Variants in DLG2 observed in about 807,000 individuals in gnomAD.
The protein encoded by DLG2 is disks large homolog 2.
DLG2 carries 45 observed loss-of-function variants against 132.5 expected under a neutral mutation model. The observed-to-expected ratio is 0.34, with a 90% CI of 0.27 to 0.44. DLG2 has a LOEUF of 0.44. Among genes scored for constraint, DLG2 ranks in the 20% least tolerant of loss-of-function variants. The pLI is 1.00. For missense variants in DLG2, 1,045 were observed against 1,196.9 expected, an observed-to-expected ratio of 0.87 and a Z score of 1.87; for synonymous variants, 424 against 419.6, an observed-to-expected ratio of 1.01 and a Z score of -0.13.
intron 5 of DLG2, among the ~76,000 whole-genome samples, chr11:85,112,589 G>A (rs757059281): frequency 6.6e-6 from 1 of 151,986 alleles, no homozygotes; most frequent in Non-Finnish European, 1.5e-5. Context: ...AACCACAGCT[G>A]TGATTTACTG....
chr11:84,833,533 C>G (rs2079310037), intron 6 of DLG2, among the ~76,000 whole-genome samples: 1 of 151,386 alleles, frequency 6.6e-6, no homozygotes, highest in African/African-American at 2.4e-5. Flanking sequence ...ACATTGACAT[C>G]ATCAACTCCT....
intron 6 of DLG2, among the ~76,000 whole-genome samples, chr11:84,798,640 C>G (rs1007483721): frequency 3.9e-5 from 6 of 152,170 alleles, no homozygotes; most frequent in Non-Finnish European, 8.8e-5. Flanking sequence ...GACTCAGGAA[C>G]CCCAATAGCC....
chr11:84,019,865 C>G (rs987137528), intron 11 of DLG2, among the ~76,000 whole-genome samples: 15 of 152,152 alleles, frequency 9.9e-5, no homozygotes, highest in African/African-American at 3.6e-4. Context: ...GCTAATATCT[C>G]GATCTCAGAC....
intron 14 of DLG2, among the ~76,000 whole-genome samples, 183 bp from the exon 15 acceptor site, chr11:83,930,666 A>G (rs1040492541): frequency 6.6e-6 from 1 of 152,010 alleles, no homozygotes; most frequent in Non-Finnish European, 1.5e-5. Flanking sequence ...TATTCCTCAG[A>G]CTCTTCTGTG....
At chr11:84,027,475 G>A (rs149372660) in intron 11 of DLG2, among the ~76,000 whole-genome samples, 48 of 151,750 alleles carry the variant, frequency 3.2e-4, no homozygotes, top group African/African-American at 1.0e-3. Flanking sequence ...AAGAAAATTT[G>A]AGACAAATTT....
At position 84,648,405 on chromosome 11, in the gene DLG2, C is replaced by T. The variant is rs551125760; in HGVS notation, c.358-113674G>A. On this transcript the variant is annotated intron_variant, in intron 6 of 27. Transcript: ENST00000376104. Reference sequence around the variant, plus strand: ...TGCTTCCCAGTCTAATACAGAGATGCAAGTAGATAAAATTTGTGCGAGAAA... The same window carrying T: ...TGCTTCCCAGTCTAATACAGAGATGTAAGTAGATAAAATTTGTGCGAGAAA... Among the ~76,000 whole-genome samples the T allele has an allele frequency of 9.9e-5, 15 of 152,262 alleles. No homozygotes were observed. In the East Asian group the frequency reaches 2.9e-3, roughly 29 times the overall value.
chr11:85,342,717 C>T (rs780523062), intron 3 of DLG2, among the ~76,000 whole-genome samples: 3 of 152,106 alleles, frequency 2.0e-5, no homozygotes, highest in African/African-American at 4.8e-5. Context: ...ATACCAGCAT[C>T]GCCACAAACG....
At chr11:83,837,907 G>A (rs2056658214) in intron 16 of DLG2, among the ~76,000 whole-genome samples, 1 of 152,076 alleles carries the variant, frequency 6.6e-6, no homozygotes, top group Admixed American at 6.6e-5. Context: ...GGATTAGAGA[G>A]AAATGGGGAT....
At chr11:84,043,694 CT>C (rs568133330) in intron 11 of DLG2, among the ~76,000 whole-genome samples, 115 of 151,810 alleles carry the variant, frequency 7.6e-4, no homozygotes, top group African/African-American at 2.5e-3. Flanking sequence ...TTTCTCTCTT[CT>C]TTTTTTAATT....
intron 16 of DLG2, among the ~76,000 whole-genome samples, chr11:83,871,568 A>C (rs2063442671): frequency 6.6e-6 from 1 of 152,202 alleles, no homozygotes; most frequent in South Asian, 2.1e-4. Context: ...GAGCAGTATA[A>C]CACTTTAATG....
intron 7 of DLG2, among the ~76,000 whole-genome samples, chr11:84,354,841 G>T (rs1002346851): frequency 2.0e-5 from 3 of 152,142 alleles, no homozygotes; most frequent in African/African-American, 7.2e-5. Flanking sequence ...CCAAAGAGAA[G>T]TATTAAGGGA....
chr11:85,215,789 A>G (rs923461661), intron 4 of DLG2, among the ~76,000 whole-genome samples: 2 of 152,150 alleles, frequency 1.3e-5, no homozygotes, highest in African/African-American at 2.4e-5. Context: ...GAATTACACA[A>G]TGCATGCATT....
chr11:84,585,701 G>A (rs570202477), intron 6 of DLG2, among the ~76,000 whole-genome samples: 3 of 151,838 alleles, frequency 2.0e-5, no homozygotes, highest in Non-Finnish European at 4.4e-5. Context: ...ATCCTTTTTT[G>A]CATATATTTA....
At chr11:85,220,511 T>A (rs1009909629) in intron 4 of DLG2, among the ~76,000 whole-genome samples, 1 of 151,872 alleles carries the variant, frequency 6.6e-6, no homozygotes, top group Non-Finnish European at 1.5e-5. Flanking sequence ...AGTACAGAGA[T>A]CAGGATGTTC....
At chr11:84,286,411 A>G (rs2097910539) in intron 7 of DLG2, among the ~76,000 whole-genome samples, 1 of 152,188 alleles carries the variant, frequency 6.6e-6, no homozygotes, top group Admixed American at 6.5e-5. Flanking sequence ...ACACTTAGCT[A>G]GTCTTGTGGT....
intron 12 of DLG2, among the ~76,000 whole-genome samples, chr11:83,971,098 C>G (rs2091248924): frequency 6.6e-6 from 1 of 152,086 alleles, no homozygotes. Flanking sequence ...TTGCTCTTGT[C>G]ATTGTTTGTC....
intron 3 of DLG2, among the ~76,000 whole-genome samples, chr11:85,375,334 T>G (rs1437155081): frequency 6.6e-6 from 1 of 152,130 alleles, no homozygotes; most frequent in Non-Finnish European, 1.5e-5. Flanking sequence ...AGTTAAGAAG[T>G]GATGTGATGA....
At chr11:84,182,185 A>C (rs1006655038) in intron 8 of DLG2, among the ~76,000 whole-genome samples, 2 of 152,206 alleles carry the variant, frequency 1.3e-5, no homozygotes, top group African/African-American at 2.4e-5. Flanking sequence ...TCTTAACACC[A>C]CAATATAATT....
chr11:85,306,009 C>T (rs1036014193), intron 3 of DLG2, among the ~76,000 whole-genome samples: 2 of 152,180 alleles, frequency 1.3e-5, no homozygotes, highest in Non-Finnish European at 2.9e-5. Flanking sequence ...TGAGTCCCAG[C>T]TCTGCCACCA....
Sources: allele counts gnomAD v4.1 joint callset (sites outside exome capture counted in the v4.1 genomes callset), GRCh38; gene constraint gnomAD v4.1.1; transcripts MANE v1.5; gene names NCBI Gene and HGNC (gene_info 2026-07-23, HGNC 2026-07-21).